IL4I1: variants seen among roughly 807,000 people sequenced by gnomAD.
The protein encoded by IL4I1 is interleukin 4 induced 1.
A neutral mutation model predicts 29.7 loss-of-function variants in IL4I1; 24 were observed. The observed-to-expected ratio is 0.81, with a 90% confidence interval of 0.59 to 1.14. The LOEUF (loss-of-function observed/expected upper bound fraction) is 1.14. Ranked by LOEUF, IL4I1 falls within the 50% of genes most tolerant of loss-of-function variation. The probability of loss-of-function intolerance (pLI) is 0.00; values close to 1 mark genes in which losing one functional copy is unlikely to be tolerated. For synonymous variants in IL4I1, 371 were observed against 352.5 expected (o/e 1.05, Z -0.59); for missense variants, 686 against 785.6 (o/e 0.87, Z 1.52).
intron 5 of IL4I1, among the ~76,000 whole-genome samples, chr19:49,893,774 G>A (rs2122518545): frequency 6.6e-6 from 1 of 151,930 alleles, no homozygotes. Flanking sequence ...GGATCACGAG[G>A]TCAGGAGTTC....
chr19:49,926,232 C>T (rs926933653), intron 2 of IL4I1, among the ~76,000 whole-genome samples: 2 of 111,172 alleles, frequency 1.8e-5, no homozygotes, highest in African/African-American at 7.2e-5. Context: ...AAAAAAAAAG[C>T]TAGGTCTTGC....
chr19:49,890,600 C>G lies in IL4I1; in HGVS notation c.774G>C (p.Gln258His), dbSNP rs1211762967. ...CCCAGCCACCCACGATGCGGCTGTA[C>G]CTGCAGGCGGGGCGGGGCGGGGTGG... Reference protein sequence around the residue: ...RAHSCLSDRLQYSRIVGGWDL... With the variant: ...RAHSCLSDRLHYSRIVGGWDL... Residue 258 changes from glutamine to histidine, a missense_variant and splice_region_variant, in exon 8 of 8, where the codon CAG becomes CAC. By Grantham distance (24) the Gln-to-His change is conservative. Transcript: ENST00000391826. 4 of 1,539,112 alleles carry G rather than the reference C, an allele frequency of 2.6e-6. No individual in the cohort carries two copies. The highest frequency in any genetic ancestry group is 2.6e-6 in the Non-Finnish European group (3 of 1,146,586).
chr19:49,899,336 C>T (rs117769028), upstream of IL4I1, among the ~76,000 whole-genome samples: 523 of 152,212 alleles, frequency 3.4e-3, 10 homozygotes, highest in East Asian at 0.075. Flanking sequence ...CACAAAACTC[C>T]TCTGGCCCCA....
At position 49,895,894 on chromosome 19, in the gene IL4I1, TTCAGGGTCC is replaced by T; in HGVS notation, c.164_172del (p.Arg55_Lys58delinsGln). 6.2e-7 allele frequency: 1 copy of T among 1,614,196 alleles called. No homozygotes were observed. Among genetic ancestry groups the T allele is most frequent in the Non-Finnish European group, 8.5e-7 (1 of 1,180,036 alleles). On this transcript the variant is annotated inframe_deletion, in exon 3 of 8. Coordinates refer to ENST00000391826, the MANE Select transcript of IL4I1 (RefSeq NM_152899.2). ...GCCAACCACAATCACCCTCTGGGGCTTCAGGGTCCGATTGAGCCCCCAGGTCACCACCTT... is the reference window on the plus strand; with the variant it reads ...GCCAACCACAATCACCCTCTGGGGCTGATTGAGCCCCCAGGTCACCACCTT...
At chr19:49,925,465 T>A (rs12971864) in intron 2 of IL4I1, among the ~76,000 whole-genome samples, 34,419 of 134,202 alleles carry the variant, frequency 0.26, 4,278 homozygotes, top group African/African-American at 0.3. Flanking sequence ...AAAAAAAAAA[T>A]AGCATCCTAC....
At chr19:49,926,402 C>T (rs562677488) in intron 2 of IL4I1, among the ~76,000 whole-genome samples, 16 of 151,174 alleles carry the variant, frequency 1.1e-4, no homozygotes, top group African/African-American at 2.2e-4. Context: ...TGGTGGTGGG[C>T]GCCTGTAATC....
chr19:49,911,639 T>C (rs530919040), intron 2 of IL4I1, among the ~76,000 whole-genome samples: 3 of 152,150 alleles, frequency 2.0e-5, no homozygotes, highest in Non-Finnish European at 4.4e-5. Flanking sequence ...CAAGCAAGCC[T>C]GGGGAGATGA....
intron 2 of IL4I1, chr19:49,907,763 T>C: frequency 3.0e-6 from 1 of 334,884 alleles, no homozygotes; most frequent in South Asian, 2.3e-5. Flanking sequence ...CTCGAACTCC[T>C]GACCTCAAGT....
At chr19:49,897,375 C>T (rs984668059), upstream of IL4I1, among the ~76,000 whole-genome samples, 6 of 152,312 alleles carry the variant, frequency 3.9e-5, no homozygotes, top group South Asian at 2.1e-4. Flanking sequence ...CCCTCCGTTA[C>T]ATGGGTGTAG....
chr19:49,918,895 T>TGGGGGGGGGGGGGGGGG (rs56129490), intron 2 of IL4I1, among the ~76,000 whole-genome samples: 11 of 72,334 alleles, frequency 1.5e-4, no homozygotes, highest in South Asian at 1.2e-3. Flanking sequence ...TTTGGGAGGC[T>TGGGGGGGGGGGGGGGGG]GGGGGGGGGG....
chr19:49,913,364 C>A (rs914045597), intron 2 of IL4I1, among the ~76,000 whole-genome samples: 4 of 152,142 alleles, frequency 2.6e-5, no homozygotes, highest in Non-Finnish European at 4.4e-5. Context: ...CAGATAAGAG[C>A]GCCTTTGTTT....
upstream of IL4I1, chr19:49,901,775 A>G (rs2075274274): frequency 1.5e-6 from 2 of 1,303,274 alleles, no homozygotes; most frequent in Non-Finnish European, 2.1e-6. Flanking sequence ...CCCTTGTTAG[A>G]TCAGAGATGC....
At chr19:49,923,879 C>T (rs555159662) in intron 2 of IL4I1, among the ~76,000 whole-genome samples, 64 of 152,290 alleles carry the variant, frequency 4.2e-4, no homozygotes, top group African/African-American at 1.5e-3. Flanking sequence ...AGCCGAGGCT[C>T]GGCAGATGAG....
chr19:49,895,845 G>A lies in IL4I1; in HGVS notation c.222C>T (p.Ala74=), dbSNP rs762722182. 5.6e-6 allele frequency: 9 copies of A among 1,614,140 alleles called. No homozygotes were observed. Among genetic ancestry groups the A allele is most frequent in the East Asian group, 2.2e-5 (1 of 44,886 alleles). Reference sequence around the variant, plus strand: ...GTCCAGCATCGCTGAGCACCTTGGCGGCCACCAGCCCGGCCACACCAGCGC... The same window carrying A: ...GTCCAGCATCGCTGAGCACCTTGGCAGCCACCAGCCCGGCCACACCAGCGC... ...VVGAGVAGLV[A]AKVLSDAGHK... Residue 74 remains alanine, a synonymous_variant, in exon 3 of 8, where the codon GCC becomes GCT. Transcript: ENST00000391826.
At position 49,896,861 on chromosome 19, in the gene IL4I1, G is replaced by A. The variant is rs76042149; in HGVS notation, c.-49C>T. On this transcript the variant is annotated 5_prime_UTR_variant, in exon 1 of 8. Transcript: ENST00000391826. The stretch of plus-strand genomic sequence containing the variant: ...TCCAGCTCTTGGTGACAGCAGGACA[G>A]CGCGGTCCTCTCCACTGCCCTCCAC... The A allele has an allele frequency of 0.019, 18,793 of 985,768 alleles. 223 individuals are homozygous for A. The highest frequency in any genetic ancestry group is 0.046 in the South Asian group (972 of 21,294). The allele number at this position is 985,768 out of a possible 1,614,324, so 61.1% of individuals were successfully genotyped here.
intron 4 of IL4I1, among the ~76,000 whole-genome samples, 159 bp downstream of exon 4, chr19:49,894,909 C>T (rs1169632315): frequency 6.6e-6 from 1 of 151,952 alleles, no homozygotes; most frequent in African/African-American, 2.4e-5. Context: ...AGGCCCAGGG[C>T]TGGCGCTGGA....
Position 49,896,874 on chromosome 19 carries a change from C to T in IL4I1, c.-62G>A. 1 of 985,602 alleles carries T rather than the reference C, an allele frequency of 1.0e-6. No individual in the cohort carries two copies. The highest frequency in any genetic ancestry group is 4.7e-5 in the South Asian group (1 of 21,292). 61.1% of individuals were successfully genotyped at this position (985,602 alleles called of 1,614,324 possible). ...GACAGCAGGACAGCGCGGTCCTCTC[C>T]ACTGCCCTCCACTGTCTCTGCTGTG... On this transcript the variant is annotated 5_prime_UTR_variant, in exon 1 of 8. Transcript: ENST00000391826.
chr19:49,903,724 A>T (rs968523787), intron 3 of IL4I1, among the ~76,000 whole-genome samples: 2 of 151,760 alleles, frequency 1.3e-5, no homozygotes, highest in Non-Finnish European at 2.9e-5. Flanking sequence ...CAAGCCACTC[A>T]TTACTAAAAA....
At chr19:49,912,326 G>A (rs182015007) in intron 2 of IL4I1, among the ~76,000 whole-genome samples, 1 of 151,946 alleles carries the variant, frequency 6.6e-6, no homozygotes, top group African/African-American at 2.4e-5. Flanking sequence ...ATGCCACCAC[G>A]CCCGGCTAAT....
Sources: allele counts gnomAD v4.1 joint callset (sites outside exome capture counted in the v4.1 genomes callset), GRCh38; gene constraint gnomAD v4.1.1; transcripts MANE v1.5; gene names NCBI Gene and HGNC (gene_info 2026-07-23, HGNC 2026-07-21).